The following SHC2 variants were observed in gnomAD, a reference collection of about 807,000 sequenced individuals.
SHC2 encodes the protein SHC adaptor protein 2, also known as SHC-transforming protein 2.
A neutral mutation model predicts 60.6 loss-of-function variants in SHC2; 62 were observed. The observed-to-expected ratio is 1.02, with a 90% CI of 0.83 to 1.26. The LOEUF is 1.26. SHC2 is among the 50% of genes most tolerant of loss of function. The pLI is 0.00. For synonymous variants in SHC2, 375 were observed against 372.4 expected, an observed-to-expected ratio of 1.01 and a Z score of -0.08; for missense variants, 873 against 822.2, an observed-to-expected ratio of 1.06 and a Z score of -0.76.
chr19:435,930 C>G (rs771878988), intron 7 of SHC2: 2 of 511,326 alleles, frequency 3.9e-6, no homozygotes, highest in Non-Finnish European at 7.1e-6. Flanking sequence ...TCAGGCACAC[C>G]GGGGAGTCAG....
intron 2 of SHC2, 174 bp from the exon 3 acceptor site, chr19:439,204 T>C: frequency 1.1e-5 from 1 of 90,386 alleles, no homozygotes; most frequent in Non-Finnish European, 2.0e-5. Context: ...TCAGGGGGCC[T>C]AAAGTGGGCA....
In SHC2 at chr19:441,189, T is replaced by C; in HGVS notation, c.469-257A>G. On this transcript the variant is annotated intron_variant, in intron 1 of 12. Coordinates refer to ENST00000264554, the MANE Select transcript of SHC2 (RefSeq NM_012435.3). The surrounding 1 kb of genome is among the most constrained non-coding windows in gnomAD (Gnocchi z 4.9). ...GGAGCCTGGTGGTTCCCCCAGACGC[T>C]CTATGCTGCTTGTTCATTTAACCGT... 2 of 983,974 alleles carry C rather than the reference T, an allele frequency of 2.0e-6. No homozygotes were observed. The highest frequency in any genetic ancestry group is 2.4e-6 in the Non-Finnish European group (2 of 829,092). 61.0% of individuals were successfully genotyped at this position (983,974 alleles called of 1,614,324 possible).
intron 10 of SHC2, among the ~76,000 whole-genome samples, chr19:423,191 C>T (rs112220601): frequency 1.1e-4 from 7 of 62,712 alleles, no homozygotes; most frequent in African/African-American, 2.2e-4. Flanking sequence ...GGGGTCCTCC[C>T]GCCCTGACCC....
chr19:418,379 ATCCACCCACGGGCAGTGACGCGTG>A (rs1974200234), intron 12 of SHC2, among the ~76,000 whole-genome samples: 1 of 152,214 alleles, frequency 6.6e-6, no homozygotes. Flanking sequence ...TCGGGCACAT[ATCCACCCACGGGCAGTGACGCGTG>A]TCCACACACA....
rs545331770 is a variant in SHC2 at position 446,462 on chromosome 19, T to C, written c.469-5530A>G. On this transcript the variant is annotated intron_variant, in intron 1 of 12. Coordinates refer to ENST00000264554, the MANE Select transcript of SHC2 (RefSeq NM_012435.3). The surrounding 1 kb of genome is among the most constrained non-coding windows in gnomAD (Gnocchi z 5.4). ...AGTAGCTGGGATTACAGGCGCCCAC[T>C]ACCACGCCCGGCTAATTTTTGTATT... Among the ~76,000 whole-genome samples the C allele has an allele frequency of 2.6e-4, 40 of 152,050 alleles. 2 individuals carry two copies. In the South Asian group the frequency reaches 7.9e-3, roughly 30 times the overall value.
At chr19:418,160 C>T (rs1399206870) in intron 12 of SHC2, among the ~76,000 whole-genome samples, 1 of 152,166 alleles carries the variant, frequency 6.6e-6, no homozygotes, top group Non-Finnish European at 1.5e-5. Context: ...CCTGGGGCTC[C>T]TTGGCCCGGC....
rs527557655 is a variant in SHC2, at chr19:441,945, G to T, written c.469-1013C>A. On this transcript the variant is annotated intron_variant, in intron 1 of 12. Transcript: ENST00000264554. The surrounding 1 kb of genome is among the most constrained non-coding windows in gnomAD (Gnocchi z 4.9). The stretch of plus-strand genomic sequence containing the variant: ...TTCTGAGGTGTGTACAGGTCACTGT[G>T]TGGGCCGGCCCAGGCTCTGCCCCTC... Among the ~76,000 whole-genome samples the T allele has an allele frequency of 4.1e-4, 62 of 152,366 alleles. 1 individual carries two copies. The South Asian group carries it at 7.9e-3, about 19-fold the overall frequency.
intron 1 of SHC2, among the ~76,000 whole-genome samples, chr19:458,439 T>TCC (rs1975433360): frequency 7.0e-5 from 4 of 56,836 alleles, no homozygotes; most frequent in Non-Finnish European, 1.1e-4. Flanking sequence ...AAGCGGGTCT[T>TCC]GGGGAGGCGG....
chr19:452,913 G>A (rs923681853), intron 1 of SHC2, among the ~76,000 whole-genome samples: 9 of 152,164 alleles, frequency 5.9e-5, no homozygotes, highest in Non-Finnish European at 2.9e-5. Context: ...AGCCAGTTTG[G>A]TGGCCCCGTT....
chr19:452,609 G>A (rs1277676610), intron 1 of SHC2, among the ~76,000 whole-genome samples: 1 of 152,186 alleles, frequency 6.6e-6, no homozygotes, highest in Non-Finnish European at 1.5e-5. Flanking sequence ...CACTGCGGTT[G>A]GGGCATCGTA....
Position 454,948 on chromosome 19 carries a change from G to A in SHC2, c.468+5581C>T, listed in dbSNP as rs745556078. 2.6e-5 allele frequency among the ~76,000 whole-genome samples: 4 copies of A among 152,208 alleles called. No individual in the cohort carries two copies. The East Asian group carries it at 5.8e-4, about 22-fold the overall frequency. On this transcript the variant is annotated intron_variant, in intron 1 of 12. Transcript: ENST00000264554. ...TCCTTGGCCCGTGGCCGCATCGCTC[G>A]TCTCTGCCCCTCTCATCCTGTCCCG...
rs1297775124 is a variant in SHC2, at chr19:436,305, G to T, written c.827-14C>A. The T allele has an allele frequency of 2.5e-6, 4 of 1,587,660 alleles. No homozygotes were observed. Among genetic ancestry groups the T allele is most frequent in the Non-Finnish European group, 3.4e-6 (4 of 1,168,140 alleles). ...GGATGTGGCAGGCTGCGGGCACGTT[G>T]GTCATGCAGCCTCCGAGCCACACGG... On this transcript the variant is annotated splice_polypyrimidine_tract_variant and intron_variant, in intron 6 of 12. Transcript: ENST00000264554.
chr19:426,113 C>T (rs1454965427), intron 9 of SHC2, among the ~76,000 whole-genome samples: 1 of 152,088 alleles, frequency 6.6e-6, no homozygotes. Context: ...TCGGGAGCTG[C>T]CTGGACCCCA....
intron 1 of SHC2, among the ~76,000 whole-genome samples, chr19:447,913 T>G (rs1216777256): frequency 2.0e-5 from 3 of 152,250 alleles, no homozygotes; most frequent in African/African-American, 7.2e-5. Context: ...AAGGTTTTGC[T>G]AAAACCAGTG....
chr19:417,919 C>G (rs1479161821), intron 12 of SHC2, among the ~76,000 whole-genome samples: 1 of 152,126 alleles, frequency 6.6e-6, no homozygotes, highest in Non-Finnish European at 1.5e-5. Flanking sequence ...AGCGGCCTGA[C>G]CTGGCCCAGA....
chr19:438,396 A>G lies in SHC2; in HGVS notation c.720+322T>C, dbSNP rs1300261572. On this transcript the variant is annotated intron_variant, in intron 4 of 12. Transcript: ENST00000264554. The surrounding 1 kb of genome is among the most constrained non-coding windows in gnomAD (Gnocchi z 5.0). ...CCAGGGTTTATCCCCGCCCCTCCCC[A>G]GGCACTGTGGATGTTGGGACGGACC... Among the ~76,000 whole-genome samples the G allele has an allele frequency of 6.6e-6, 1 of 152,150 alleles. No homozygotes were observed. Among genetic ancestry groups the G allele is most frequent in the Non-Finnish European group, 1.5e-5 (1 of 68,008 alleles).
rs772622281 is a variant in SHC2, at chr19:436,631, G to C, written c.773C>G (p.Thr258Arg). The change falls in exon 5 of 13, where the codon ACG becomes AGG. Residue 258 changes from threonine to arginine, a missense_variant and splice_region_variant. Transcript: ENST00000264554. ...GTCCACCCCCATCCCTGGCCTCACCGTGTCTCCGCCTGACGCGAAGGAGAT... is the reference window on the plus strand; with the variant it reads ...GTCCACCCCCATCCCTGGCCTCACCCTGTCTCCGCCTGACGCGAAGGAGAT... ...PSISFASGGD[T>R]DMTDYVAYVA... 2 of 1,605,368 alleles carry C rather than the reference G, an allele frequency of 1.2e-6. No individual in the cohort carries two copies. Among genetic ancestry groups the C allele is most frequent in the Non-Finnish European group, 1.7e-6 (2 of 1,178,238 alleles).
Position 451,376 on chromosome 19 carries a change from G to A in SHC2, c.468+9153C>T, listed in dbSNP as rs576969167. 2.7e-3 allele frequency among the ~76,000 whole-genome samples: 257 copies of A among 93,990 alleles called. 2 individuals carry two copies. The highest frequency in any genetic ancestry group is 0.023 in the African/African-American group (216 of 9,298). 61.7% of individuals were successfully genotyped at this position (93,990 alleles called of 152,430 possible). A position where few individuals can be genotyped will look rare whatever the true frequency, so the allele number is the denominator to read the frequency against. On this transcript the variant is annotated intron_variant, in intron 1 of 12. Transcript: ENST00000264554. ...ATTTCAGCGTGTGGATGGCCACGCC[G>A]TGGGCCACGTCGTATTTCAGCATGT...
At chr19:458,285 T>TG (rs1389058661) in intron 1 of SHC2, among the ~76,000 whole-genome samples, 1 of 43,610 alleles carries the variant, frequency 2.3e-5, no homozygotes, top group African/African-American at 8.3e-5. Flanking sequence ...GAGGCGGAAG[T>TG]GGGTCCCGGG....
Sources: gnomAD v4.1 joint callset for allele counts (sites outside exome capture counted in the v4.1 genomes callset) on GRCh38, gnomAD v4.1.1 for gene constraint, Gnocchi (gnomAD v3.1) non-coding constraint, MANE v1.5 for transcripts, NCBI Gene and HGNC (gene_info 2026-07-23, HGNC 2026-07-21) for gene names.